MCTP2: variants seen among roughly 807,000 people sequenced by gnomAD.
The protein encoded by MCTP2 is multiple C2 and transmembrane domain containing 2, also known as multiple C2 and transmembrane domain-containing protein 2.
In MCTP2, 132 loss-of-function variants were observed where a neutral mutation model predicts 111.6. The observed-to-expected ratio is 1.18, with a 90% CI of 1.03 to 1.37. MCTP2 has a LOEUF of 1.37. Ranked by LOEUF, MCTP2 falls within the 40% of genes most tolerant of loss-of-function variation. MCTP2 has a pLI of 0.00. For missense variants in MCTP2, 1,183 were observed against 1,067.9 expected (o/e 1.11, Z -1.50); for synonymous variants, 395 against 387.7 (o/e 1.02, Z -0.22).
intron 1 of MCTP2, among the ~76,000 whole-genome samples, chr15:94,278,509 T>C (rs1027718129): frequency 1.3e-5 from 2 of 152,306 alleles, no homozygotes; most frequent in Non-Finnish European, 1.5e-5. Flanking sequence ...TGTGAAACTT[T>C]AGAGCTTTCC....
chr15:94,270,964 G>A (rs1014676004), intron 1 of MCTP2, among the ~76,000 whole-genome samples: 3 of 152,130 alleles, frequency 2.0e-5, no homozygotes, highest in Non-Finnish European at 1.5e-5. Flanking sequence ...TCGTTACTTA[G>A]GTGTCAATAT....
intron 14 of MCTP2, among the ~76,000 whole-genome samples, chr15:94,386,077 C>A (rs563421842): frequency 6.6e-6 from 1 of 151,988 alleles, no homozygotes; most frequent in Non-Finnish European, 1.5e-5. Flanking sequence ...AAAGAGTTTT[C>A]GCAGTCCAGC....
chr15:94,401,823 T>C, intron 16 of MCTP2, 77 bp from the exon 17 acceptor site: 1 of 1,100,434 alleles, frequency 9.1e-7, no homozygotes, highest in South Asian at 1.8e-5. Flanking sequence ...ATAATTTAAA[T>C]GATCAGGGTA....
At chr15:94,329,455 T>G (rs1050516198) in intron 4 of MCTP2, among the ~76,000 whole-genome samples, 11 of 152,186 alleles carry the variant, frequency 7.2e-5, no homozygotes, top group African/African-American at 2.4e-4. Context: ...AGCATGATGC[T>G]GGCTTCTGAG....
At chr15:94,390,236 TATAGA>T (rs1004294778) in intron 14 of MCTP2, among the ~76,000 whole-genome samples, 20 of 151,622 alleles carry the variant, frequency 1.3e-4, no homozygotes, top group African/African-American at 4.8e-4. Flanking sequence ...TTTATATAGA[TATAGA>T]ATACTTTTTA....
chr15:94,278,538 T>C (rs1418816311), intron 1 of MCTP2, among the ~76,000 whole-genome samples: 1 of 152,134 alleles, frequency 6.6e-6, no homozygotes, highest in Non-Finnish European at 1.5e-5. Context: ...CATATGATAA[T>C]ATATTTATGA....
chr15:94,242,947 ATACACATATACACGTGTATATGTGTATC>A (rs2071099124), intron 1 of MCTP2, among the ~76,000 whole-genome samples: 1 of 131,540 alleles, frequency 7.6e-6, no homozygotes, highest in Non-Finnish European at 1.7e-5. Context: ...GTATATGTAG[ATACACATATACACGTGTATATGTGTATC>A]TACACATACA....
chr15:94,407,775 GCA>G (rs57851445), intron 17 of MCTP2, among the ~76,000 whole-genome samples: 53,876 of 147,218 alleles, frequency 0.37, 9,903 homozygotes, highest in East Asian at 0.44. Flanking sequence ...ATGTACTTGT[GCA>G]CACACACACA....
rs541250089 is a variant in MCTP2, at chr15:94,385,516, C to G, written c.1779C>G (p.Pro593=). 6.2e-7 allele frequency: 1 copy of G among 1,609,140 alleles called. No individual in the cohort carries two copies. Among genetic ancestry groups the G allele is most frequent in the South Asian group, 1.1e-5 (1 of 90,988 alleles). ...ATTTTCTTGGAAAAGTTGCCATTCC[C>G]TTGCTGTCCGTAAGTTTCCTTTATT... ...PPDFLGKVAI[P]LLSIRDGQPN... is the part of the protein sequence containing the mutation. Residue 593 remains proline (P), a synonymous_variant, in exon 14 of 23, where the codon CCC becomes CCG. Coordinates refer to ENST00000357742, the MANE Select transcript of MCTP2 (RefSeq NM_001385001.1).
At chr15:94,273,964 G>T in intron 1 of MCTP2, 2 of 230,540 alleles carry the variant, frequency 8.7e-6, no homozygotes, top group South Asian at 8.7e-5. Flanking sequence ...AAAAGAGACA[G>T]GCAAATATAA....
intron 21 of MCTP2, among the ~76,000 whole-genome samples, chr15:94,475,088 C>T (rs1342019341): frequency 1.3e-5 from 2 of 152,192 alleles, no homozygotes; most frequent in South Asian, 2.1e-4. Flanking sequence ...ACGTCTTTGT[C>T]TCCCTTCATC....
chr15:94,471,421 A>C (rs1199419835), intron 21 of MCTP2, among the ~76,000 whole-genome samples: 1 of 152,236 alleles, frequency 6.6e-6, no homozygotes, highest in Non-Finnish European at 1.5e-5. Context: ...AAAAACCATT[A>C]AATATAGACT....
At position 94,417,506 on chromosome 15, in the gene MCTP2, C is replaced by T. The variant is rs200913386; in HGVS notation, c.2085+15487C>T. On this transcript the variant is annotated intron_variant, in intron 17 of 22. Coordinates refer to ENST00000357742, the MANE Select transcript of MCTP2 (RefSeq NM_001385001.1). ...ACAAAAGATTGTTTGAGTGAGTACACGTACGTGTGTGTGTGCGCACATGTT... is the reference window on the plus strand; with the variant it reads ...ACAAAAGATTGTTTGAGTGAGTACATGTACGTGTGTGTGTGCGCACATGTT... Among the ~76,000 whole-genome samples, 12 of 152,130 alleles carry T rather than the reference C, an allele frequency of 7.9e-5. No individual in the cohort carries two copies. In the East Asian group the frequency reaches 1.4e-3, roughly 17 times the overall value.
chr15:94,361,697 T>C (rs1444776778), intron 10 of MCTP2, among the ~76,000 whole-genome samples: 1 of 152,214 alleles, frequency 6.6e-6, no homozygotes, highest in Non-Finnish European at 1.5e-5. Context: ...AATGTATTTT[T>C]TTCCTCCAAA....
intron 20 of MCTP2, among the ~76,000 whole-genome samples, chr15:94,468,100 A>G (rs1178245717): frequency 6.6e-6 from 1 of 152,202 alleles, no homozygotes; most frequent in African/African-American, 2.4e-5. Context: ...AACTGAAAGA[A>G]TATATAATAT....
At chr15:94,267,606 A>G (rs189961649) in intron 1 of MCTP2, among the ~76,000 whole-genome samples, 1 of 152,258 alleles carries the variant, frequency 6.6e-6, no homozygotes, top group Non-Finnish European at 1.5e-5. Context: ...AGAAACTGTC[A>G]CATTTAATTA....
upstream of MCTP2, chr15:94,231,482 T>TG (rs1555436763): frequency 1.3e-5 from 2 of 152,276 alleles, no homozygotes; most frequent in South Asian, 2.1e-4. Context: ...TCCTCCCCTT[T>TG]AGGCGGGGCT....
intron 22 of MCTP2, among the ~76,000 whole-genome samples, chr15:94,477,901 G>A (rs2074498588): frequency 6.6e-6 from 1 of 151,908 alleles, no homozygotes; most frequent in South Asian, 2.1e-4. Context: ...GTTTTGCATT[G>A]AAGATTGACA....
chr15:94,239,171 G>C (rs1023750798), intron 1 of MCTP2, among the ~76,000 whole-genome samples: 2 of 152,160 alleles, frequency 1.3e-5, no homozygotes, highest in African/African-American at 4.8e-5. Context: ...GATTTAGCCT[G>C]AGAACTTGGG....
Sources: allele counts gnomAD v4.1 joint callset (sites outside exome capture counted in the v4.1 genomes callset), GRCh38; gene constraint gnomAD v4.1.1; transcripts MANE v1.5; gene names NCBI Gene and HGNC (gene_info 2026-07-23, HGNC 2026-07-21).